Variants in RNF38 observed in about 807,000 individuals in gnomAD.
RNF38 encodes E3 ubiquitin-protein ligase RNF38.
RNF38 carries 15 observed loss-of-function variants against 67.2 expected under a neutral mutation model. That is an observed-to-expected ratio of 0.22 (90% CI 0.15 to 0.34). The LOEUF (loss-of-function observed/expected upper bound fraction) is 0.34. Among genes scored for constraint, RNF38 ranks in the 10% least tolerant of loss-of-function variants. RNF38 has a pLI of 1.00. For synonymous variants in RNF38, 220 were observed against 218.8 expected (o/e 1.01, Z -0.05); for missense variants, 524 against 639.9 (o/e 0.82, Z 1.95).
At position 36,369,152 on chromosome 9, in the gene RNF38, T is replaced by C. The variant is rs575800488; in HGVS notation, c.570+567A>G. ...GAAACAGGAATATGTACTCAAACCA[T>C]CAGTTGTCTGCTATTTCCTACTAAT... On this transcript the variant is annotated intron_variant, in intron 4 of 11. Coordinates refer to ENST00000259605, the MANE Select transcript of RNF38 (RefSeq NM_022781.5). Among the ~76,000 whole-genome samples, 6 of 152,346 alleles carry C rather than the reference T, an allele frequency of 3.9e-5. No individual in the cohort carries two copies. In the South Asian group the frequency reaches 1.0e-3, roughly 26 times the overall value.
intron 2 of RNF38, among the ~76,000 whole-genome samples, chr9:36,379,474 G>A (rs181828703): frequency 1.3e-5 from 2 of 152,102 alleles, no homozygotes; most frequent in Admixed American, 1.3e-4. Flanking sequence ...CCCAAATTTT[G>A]TACTCCAATC....
At chr9:36,421,386 A>G (rs561717526) in intron 2 of RNF38, among the ~76,000 whole-genome samples, 1 of 152,266 alleles carries the variant, frequency 6.6e-6, no homozygotes, top group African/African-American at 2.4e-5. Context: ...GGTTGGGGCC[A>G]GGCATGGTGG....
At chr9:36,453,865 T>C (rs781388746) in intron 1 of RNF38, among the ~76,000 whole-genome samples, 6 of 152,318 alleles carry the variant, frequency 3.9e-5, no homozygotes, top group Non-Finnish European at 8.8e-5. Flanking sequence ...ATAGTAGTCA[T>C]GTACACGATT....
chr9:36,473,476 TA>T (rs1433643409), intron 1 of RNF38, among the ~76,000 whole-genome samples: 1 of 151,986 alleles, frequency 6.6e-6, no homozygotes, highest in Non-Finnish European at 1.5e-5. Context: ...TAATCCCAGC[TA>T]CTTGGGAGGC....
At chr9:36,487,189 G>T in intron 1 of RNF38, 3 of 650,984 alleles carry the variant, frequency 4.6e-6, no homozygotes, top group Non-Finnish European at 5.7e-6. Flanking sequence ...GGACAAAGCT[G>T]ACCCGGACAA....
At chr9:36,382,219 T>C (rs892397489) in intron 2 of RNF38, among the ~76,000 whole-genome samples, 15 of 152,370 alleles carry the variant, frequency 9.8e-5, no homozygotes, top group Non-Finnish European at 2.1e-4. Flanking sequence ...GTACAAGTAC[T>C]GTCTCTATTA....
At chr9:36,453,740 C>G in intron 1 of RNF38, among the ~76,000 whole-genome samples, 1 of 152,132 alleles carries the variant, frequency 6.6e-6, no homozygotes. Flanking sequence ...GTTGCACAGG[C>G]TGGTCTCGAA....
chr9:36,432,856 T>C (rs1375487970), intron 1 of RNF38, among the ~76,000 whole-genome samples: 1 of 152,166 alleles, frequency 6.6e-6, no homozygotes, highest in Non-Finnish European at 1.5e-5. Context: ...GTTACATATA[T>C]GGTAAGCATG....
chr9:36,382,087 T>A (rs1380703222), intron 2 of RNF38, among the ~76,000 whole-genome samples: 2 of 152,214 alleles, frequency 1.3e-5, no homozygotes, highest in Admixed American at 1.3e-4. Context: ...AATTTAGATT[T>A]TGAATTATCA....
Position 36,339,497 on chromosome 9 carries a change from A to C in RNF38, c.*255T>G. 9.1e-6 allele frequency: 4 copies of C among 438,536 alleles called. No individual in the cohort carries two copies. Among genetic ancestry groups the C allele is most frequent in the African/African-American group, 1.9e-5 (1 of 51,392 alleles). 27.2% of individuals were successfully genotyped at this position (438,536 alleles called of 1,614,324 possible). A position where few individuals can be genotyped will look rare whatever the true frequency, so the allele number is the denominator to read the frequency against. On this transcript the variant is annotated 3_prime_UTR_variant, in exon 12 of 12. Transcript: ENST00000259605. Reference sequence around the variant, plus strand: ...GGAATGATCACACAAAAACCAGGGAATGTTAGTGCACACACAAAATTAAGC... The same window carrying C: ...GGAATGATCACACAAAAACCAGGGACTGTTAGTGCACACACAAAATTAAGC...
At chr9:36,424,603 C>G (rs925490513) in intron 2 of RNF38, 5 of 984,178 alleles carry the variant, frequency 5.1e-6, no homozygotes, top group Non-Finnish European at 6.0e-6. Context: ...GACATCAACA[C>G]GAACCTCACC....
chr9:36,372,624 C>G, intron 3 of RNF38: 1 of 669,206 alleles, frequency 1.5e-6, no homozygotes, highest in Non-Finnish European at 2.8e-6. Flanking sequence ...GAACAGAATA[C>G]AGAGTAAGAC....
intron 1 of RNF38, among the ~76,000 whole-genome samples, chr9:36,469,303 G>A (rs1269590156): frequency 1.3e-5 from 2 of 149,734 alleles, no homozygotes; most frequent in Admixed American, 1.4e-4. Flanking sequence ...TAACATGAAT[G>A]GTATTACTCT....
intron 3 of RNF38, among the ~76,000 whole-genome samples, chr9:36,375,101 C>T (rs1458517885): frequency 6.6e-6 from 1 of 152,174 alleles, no homozygotes; most frequent in Non-Finnish European, 1.5e-5. Flanking sequence ...GAAATGCACT[C>T]CTCTAGGATG....
intron 1 of RNF38, among the ~76,000 whole-genome samples, chr9:36,466,628 G>C (rs1839867327): frequency 2.6e-5 from 4 of 151,998 alleles, no homozygotes. Flanking sequence ...TACTGACTTG[G>C]AAAGAGACCC....
chr9:36,464,643 T>A (rs1179381484), intron 1 of RNF38, among the ~76,000 whole-genome samples: 1 of 149,962 alleles, frequency 6.7e-6, no homozygotes, highest in Non-Finnish European at 1.5e-5. Context: ...CTAAACAAAC[T>A]GTGAAAACAC....
At chr9:36,388,672 G>C (rs994595586) in intron 2 of RNF38, among the ~76,000 whole-genome samples, 1 of 152,138 alleles carries the variant, frequency 6.6e-6, no homozygotes, top group African/African-American at 2.4e-5. Context: ...TTTACTCCTA[G>C]AGAAGGTTGA....
chr9:36,451,927 C>A (rs930308365), intron 1 of RNF38, among the ~76,000 whole-genome samples: 4 of 151,850 alleles, frequency 2.6e-5, no homozygotes, highest in South Asian at 4.2e-4. Context: ...AAAAAAAAAA[C>A]TTTTTAAGGC....
intron 4 of RNF38, among the ~76,000 whole-genome samples, chr9:36,367,764 A>C (rs1363677819): frequency 6.6e-6 from 1 of 152,228 alleles, no homozygotes; most frequent in East Asian, 1.9e-4. Context: ...TGTTAGTTTC[A>C]TAAAATATAT....
Sources: gnomAD v4.1 joint callset for allele counts (sites outside exome capture counted in the v4.1 genomes callset) on GRCh38, gnomAD v4.1.1 for gene constraint, MANE v1.5 for transcripts, NCBI Gene and HGNC (gene_info 2026-07-23, HGNC 2026-07-21) for gene names.